CPM: variants seen among roughly 807,000 people sequenced by gnomAD.
CPM encodes the protein renal carboxypeptidase.
Under a neutral mutation model 46.4 loss-of-function variants are expected in CPM, and 35 were observed. The ratio of observed to expected loss-of-function variants is 0.75; its 90% CI spans 0.58 to 1.00. The LOEUF (loss-of-function observed/expected upper bound fraction) is 1.00, where lower values mean the gene tolerates loss of function less well. Among genes scored for constraint, CPM ranks in the 50% least tolerant of loss-of-function variants. The pLI is 0.00. For synonymous variants in CPM, 195 were observed against 195.3 expected (o/e 1.00, Z 0.01); for missense variants, 422 against 530.4 (o/e 0.80, Z 2.01).
chr12:68,893,712 TA>T (rs1886750897), intron 2 of CPM, among the ~76,000 whole-genome samples: 1 of 152,144 alleles, frequency 6.6e-6, no homozygotes, highest in Non-Finnish European at 1.5e-5. Flanking sequence ...GAATGAGAAA[TA>T]GGCAGGCATT....
chr12:68,884,107 T>A (rs1386289547), intron 3 of CPM, among the ~76,000 whole-genome samples: 1 of 44,590 alleles, frequency 2.2e-5, no homozygotes, highest in Non-Finnish European at 4.0e-5. Context: ...CGAAATTCCA[T>A]CGGAAAAAAA....
chr12:68,860,886 CTT>C (rs879812846), intron 7 of CPM, among the ~76,000 whole-genome samples: 5 of 143,608 alleles, frequency 3.5e-5, no homozygotes, highest in Non-Finnish European at 3.1e-5. Flanking sequence ...CTTTCTTCTT[CTT>C]TTTTTTTTTT....
intron 7 of CPM, among the ~76,000 whole-genome samples, chr12:68,865,503 T>A (rs892496587): frequency 6.6e-6 from 1 of 152,212 alleles, no homozygotes; most frequent in African/African-American, 2.4e-5. Context: ...CTCATCCTTC[T>A]CCATCTTCTT....
At chr12:68,909,575 T>C (rs951564640) in intron 2 of CPM, among the ~76,000 whole-genome samples, 1 of 152,026 alleles carries the variant, frequency 6.6e-6, no homozygotes, top group African/African-American at 2.4e-5. Flanking sequence ...AGCAAAGACT[T>C]GGAACCAACC....
At position 68,869,362 on chromosome 12, in the gene CPM, A is replaced by G. The variant is rs201799629; in HGVS notation, c.750T>C (p.Asn250=). Residue 250 remains asparagine, a synonymous_variant, in exon 6 of 9, where the codon AAT becomes AAC. Coordinates refer to ENST00000551568, the MANE Select transcript of CPM (RefSeq NM_198320.5). ...ACCAAGAGTATCCATTTGTAACACC[A>G]TTAGGAAAGTTCATTTTGTTTTTAC... ...DECKNKMNFP[N]GVTNGYSWYP... 4.3e-5 allele frequency: 70 copies of G among 1,613,988 alleles called. 1 individual carries two copies. In the Admixed American group the frequency reaches 9.2e-4, roughly 21 times the overall value.
In CPM at chr12:68,893,138, A is replaced by C. The variant is rs1179307345; in HGVS notation, c.161-7249T>G. Among the ~76,000 whole-genome samples the C allele has an allele frequency of 3.3e-4, 28 of 85,910 alleles. No homozygotes were observed. In the Admixed American group the frequency reaches 3.5e-3, roughly 11 times the overall value. 56.4% of individuals were successfully genotyped at this position (85,910 alleles called of 152,430 possible). A position where few individuals can be genotyped will look rare whatever the true frequency, so the allele number is the denominator to read the frequency against. On this transcript the variant is annotated intron_variant, in intron 2 of 8. Transcript: ENST00000551568. ...ATCCCAGAACTTAAATTAAAAAAAA[A>C]CAAAAACTGACAAAAAAAAAAAAAG... is the stretch of plus-strand genomic sequence containing the variant.
Position 68,932,773 on chromosome 12 carries a change from T to C in CPM, c.65A>G (p.Tyr22Cys), listed in dbSNP as rs771913214. 1.2e-6 allele frequency: 2 copies of C among 1,614,090 alleles called. No individual in the cohort carries two copies. The highest frequency in any genetic ancestry group is 2.2e-5 in the East Asian group (1 of 44,884). ...LPLVAALDFN[Y>C]HRQEGMEAFL... is the part of the protein sequence containing the mutation. Reference sequence around the variant, plus strand: ...CGCTTCCATCCCTTCCTGGCGGTGGTAGTTGAAATCCAGCGCAGCTACCAA... The same window carrying C: ...CGCTTCCATCCCTTCCTGGCGGTGGCAGTTGAAATCCAGCGCAGCTACCAA... Residue 22 changes from tyrosine (Y) to cysteine (C), a missense_variant, in exon 2 of 9, where the codon TAC becomes TGC. Tyr to Cys is a radical substitution (Grantham distance 194). Coordinates refer to ENST00000551568, the MANE Select transcript of CPM (RefSeq NM_198320.5).
chr12:68,893,187 A>C (rs903294800), intron 2 of CPM, among the ~76,000 whole-genome samples: 1 of 150,136 alleles, frequency 6.7e-6, no homozygotes, highest in Non-Finnish European at 1.5e-5. Flanking sequence ...TGGACTGGCA[A>C]GGGAAGGAAA....
At chr12:68,884,839 A>G (rs1363671240) in intron 3 of CPM, among the ~76,000 whole-genome samples, 1 of 152,254 alleles carries the variant, frequency 6.6e-6, no homozygotes, top group African/African-American at 2.4e-5. Context: ...ATGGCTGGGT[A>G]GGTAACAGTG....
intron 2 of CPM, among the ~76,000 whole-genome samples, chr12:68,915,914 T>C (rs566366787): frequency 1.3e-5 from 2 of 152,336 alleles, no homozygotes; most frequent in African/African-American, 4.8e-5. Context: ...CTTATCGCAG[T>C]TTTTAAATAG....
chr12:68,894,603 A>T (rs1448442165), intron 2 of CPM, among the ~76,000 whole-genome samples: 3 of 152,198 alleles, frequency 2.0e-5, no homozygotes, highest in Non-Finnish European at 4.4e-5. Flanking sequence ...AATCCTCTGA[A>T]TTCCACAAAA....
intron 2 of CPM, among the ~76,000 whole-genome samples, chr12:68,897,295 T>A (rs1886913030): frequency 6.6e-6 from 1 of 151,102 alleles, no homozygotes; most frequent in Non-Finnish European, 1.5e-5. Flanking sequence ...TTCCTCCATA[T>A]AGCTACAGGA....
intron 3 of CPM, 80 bp downstream of exon 3, chr12:68,885,712 G>A (rs970470882): frequency 3.5e-5 from 40 of 1,140,470 alleles, no homozygotes; most frequent in East Asian, 7.1e-5. Flanking sequence ...AGGCTTCCTC[G>A]GTAGCATTTA....
In CPM at chr12:68,852,487, A is replaced by T. The variant is rs974399872; in HGVS notation, c.*3950T>A. On this transcript the variant is annotated 3_prime_UTR_variant, in exon 9 of 9. Transcript: ENST00000551568. ...TGGCGGGGGGTGGTCTCCATTTTACAGATAAAGAAACTGAATGTGTGGCGG... is the reference window on the plus strand; with the variant it reads ...TGGCGGGGGGTGGTCTCCATTTTACTGATAAAGAAACTGAATGTGTGGCGG... The T allele has an allele frequency of 6.6e-6, 1 of 152,018 alleles. No individual in the cohort carries two copies. Among genetic ancestry groups the T allele is most frequent in the African/African-American group, 2.4e-5 (1 of 41,362 alleles). 9.4% of individuals were successfully genotyped at this position (152,018 alleles called of 1,614,324 possible). A position where few individuals can be genotyped will look rare whatever the true frequency, so the allele number is the denominator to read the frequency against.
At chr12:68,883,664 G>A (rs1411963763) in intron 3 of CPM, among the ~76,000 whole-genome samples, 1 of 152,148 alleles carries the variant, frequency 6.6e-6, no homozygotes, top group African/African-American at 2.4e-5. Context: ...TTCGGGGGTA[G>A]GGGACGGAAA....
chr12:68,903,084 T>G (rs929787219), intron 2 of CPM, among the ~76,000 whole-genome samples: 1 of 152,224 alleles, frequency 6.6e-6, no homozygotes, highest in Admixed American at 6.5e-5. Flanking sequence ...ATTAACTGCC[T>G]ACAATGTTAT....
chr12:68,921,137 C>CT (rs766006373), intron 2 of CPM, among the ~76,000 whole-genome samples: 452 of 142,472 alleles, frequency 3.2e-3, no homozygotes, highest in African/African-American at 5.5e-3. Context: ...TATTTAAACA[C>CT]TTTTTTTTTT....
rs2136211867 is a variant in CPM at position 68,855,683 on chromosome 12, C to G, written c.*754G>C. 1 of 151,724 alleles carries G rather than the reference C, an allele frequency of 6.6e-6. No homozygotes were observed. The highest frequency in any genetic ancestry group is 2.4e-5 in the African/African-American group (1 of 41,352). The allele number at this position is 151,724 out of a possible 1,614,324, so 9.4% of individuals were successfully genotyped here. A position where few individuals can be genotyped will look rare whatever the true frequency, so the allele number is the denominator to read the frequency against. On this transcript the variant is annotated 3_prime_UTR_variant, in exon 9 of 9. Coordinates refer to ENST00000551568, the MANE Select transcript of CPM (RefSeq NM_198320.5). The stretch of plus-strand genomic sequence containing the variant: ...TTCTGAGAACTAATTATATATGGCA[C>G]TTAATATCTATTCACATGTAGCACT...
chr12:68,939,200 TC>T (rs1178891175), intron 1 of CPM, among the ~76,000 whole-genome samples: 2 of 146,236 alleles, frequency 1.4e-5, no homozygotes, highest in Non-Finnish European at 3.0e-5. Context: ...TGTATGTACA[TC>T]CCATAATGTA....
Sources: gnomAD v4.1 joint callset for allele counts (sites outside exome capture counted in the v4.1 genomes callset) on GRCh38, gnomAD v4.1.1 for gene constraint, MANE v1.5 for transcripts, NCBI Gene and HGNC (gene_info 2026-07-23, HGNC 2026-07-21) for gene names.